Variants in ADAM2 observed in about 807,000 individuals in gnomAD.
The protein encoded by ADAM2 is disintegrin and metalloproteinase domain-containing protein 2.
In ADAM2, 101 loss-of-function variants were observed where a neutral mutation model predicts 99.3. The ratio of observed to expected loss-of-function variants is 1.02; its 90% CI spans 0.87 to 1.20. The LOEUF (loss-of-function observed/expected upper bound fraction) is 1.20, where lower values mean the gene tolerates loss of function less well. Ranked by LOEUF, ADAM2 falls within the 50% of genes most tolerant of loss-of-function variation. The probability of loss-of-function intolerance (pLI) is 0.00; values close to 1 mark genes in which losing one functional copy is unlikely to be tolerated. For missense variants in ADAM2, 948 were observed against 878.7 expected (o/e 1.08, Z -1.00); for synonymous variants, 323 against 287.6 (o/e 1.12, Z -1.25).
chr8:39,819,041 C>T (rs985386230), intron 6 of ADAM2, among the ~76,000 whole-genome samples: 9 of 151,974 alleles, frequency 5.9e-5, no homozygotes, highest in Admixed American at 4.6e-4. Context: ...TTTTAAAATA[C>T]GTTTGGAAAT....
At chr8:39,776,968 A>G in intron 11 of ADAM2, 57 bp downstream of exon 11, 1 of 1,101,836 alleles carries the variant, frequency 9.1e-7, no homozygotes. Flanking sequence ...TCTTCAACTA[A>G]ATACATTAAA....
intron 16 of ADAM2, among the ~76,000 whole-genome samples, chr8:39,750,115 C>A (rs1009412869): frequency 6.6e-6 from 1 of 151,986 alleles, no homozygotes; most frequent in Non-Finnish European, 1.5e-5. Flanking sequence ...CAGTTAAAAC[C>A]TTCTCATTGA....
At chr8:39,768,119 CT>C (rs1339255407) in intron 12 of ADAM2, among the ~76,000 whole-genome samples, 1 of 151,956 alleles carries the variant, frequency 6.6e-6, no homozygotes, top group Non-Finnish European at 1.5e-5. Context: ...TACTGTAATT[CT>C]AGAGGGGAAA....
At chr8:39,788,896 G>A (rs1293394280) in intron 7 of ADAM2, among the ~76,000 whole-genome samples, 156 bp from the exon 8 acceptor site, 11 of 151,172 alleles carry the variant, frequency 7.3e-5, no homozygotes, top group Non-Finnish European at 8.9e-5. Flanking sequence ...CAAATTATAT[G>A]TTATATGTTC....
intron 5 of ADAM2, 134 bp downstream of exon 5, chr8:39,821,452 C>T (rs1805184416): frequency 3.0e-6 from 2 of 677,758 alleles, no homozygotes; most frequent in Non-Finnish European, 4.9e-6. Flanking sequence ...TATTTCCATA[C>T]CATGCTTTGT....
Position 39,746,581 on chromosome 8 carries a change from A to T in ADAM2, c.2065T>A (p.Phe689Ile), listed in dbSNP as rs1823474032. Reference sequence around the variant, plus strand: ...ATAAAGAAAGGAATGAATAAGAAAAATGGCCATCTCATTGGTTTGGAATGG... The same window carrying T: ...ATAAAGAAAGGAATGAATAAGAAAATTGGCCATCTCATTGGTTTGGAATGG... ...IYHSKPMRWP[F>I]FLFIPFFIIF... Residue 689 changes from phenylalanine to isoleucine, a missense_variant, in exon 19 of 21, where the codon TTT becomes ATT. Physicochemically the swap from Phe to Ile is conservative, Grantham distance 21. Coordinates refer to ENST00000265708, the MANE Select transcript of ADAM2 (RefSeq NM_001464.5). 6.2e-7 allele frequency: 1 copy of T among 1,607,898 alleles called. No homozygotes were observed. Among genetic ancestry groups the T allele is most frequent in the African/African-American group, 1.3e-5 (1 of 74,698 alleles).
intron 18 of ADAM2, 117 bp downstream of exon 18, chr8:39,749,195 A>T: frequency 1.2e-6 from 1 of 855,790 alleles, no homozygotes; most frequent in Non-Finnish European, 1.8e-6. Context: ...ATTCATGTGC[A>T]GTTTAATGTC....
At chr8:39,797,372 T>C (rs979971862) in intron 7 of ADAM2, among the ~76,000 whole-genome samples, 9 of 152,110 alleles carry the variant, frequency 5.9e-5, no homozygotes, top group African/African-American at 2.2e-4. Flanking sequence ...TGTGTAGAGT[T>C]ATTTATGAGG....
intron 9 of ADAM2, 85 bp downstream of exon 9, chr8:39,788,000 T>C (rs964693240): frequency 2.2e-6 from 2 of 901,574 alleles, no homozygotes; most frequent in South Asian, 7.1e-5. Context: ...ATTTTTTTAA[T>C]ACACATTTAT....
chr8:39,794,550 C>T (rs1031930440), intron 7 of ADAM2, among the ~76,000 whole-genome samples: 2 of 152,132 alleles, frequency 1.3e-5, no homozygotes, highest in African/African-American at 4.8e-5. Flanking sequence ...TGGCACCGCA[C>T]CATGGGACTG....
chr8:39,816,803 T>C (rs1804962075), intron 6 of ADAM2, among the ~76,000 whole-genome samples: 1 of 152,214 alleles, frequency 6.6e-6, no homozygotes, highest in African/African-American at 2.4e-5. Flanking sequence ...GTTATAAAGT[T>C]TCTTTGTAGG....
intron 19 of ADAM2, 52 bp downstream of exon 19, chr8:39,746,420 C>T (rs1364428947): frequency 4.1e-6 from 5 of 1,216,426 alleles, no homozygotes; most frequent in Admixed American, 2.6e-5. Context: ...TTGCTATTTA[C>T]TATGTTCATA....
Position 39,767,055 on chromosome 8 carries a change from A to T in ADAM2, c.1312-12T>A. On this transcript the variant is annotated splice_polypyrimidine_tract_variant and intron_variant, in intron 13 of 20. Coordinates refer to ENST00000265708, the MANE Select transcript of ADAM2 (RefSeq NM_001464.5). Reference sequence around the variant, plus strand: ...TCTTTTGACATAAACTGATGGGATGAGGTAAATGATATTGAATTAAGCAGA... The same window carrying T: ...TCTTTTGACATAAACTGATGGGATGTGGTAAATGATATTGAATTAAGCAGA... 6.2e-7 allele frequency: 1 copy of T among 1,611,094 alleles called. No individual in the cohort carries two copies. The highest frequency in any genetic ancestry group is 1.1e-5 in the South Asian group (1 of 90,964).
chr8:39,746,706 G>C, intron 18 of ADAM2, 75 bp from the exon 19 acceptor site: 3 of 1,132,928 alleles, frequency 2.6e-6, no homozygotes, highest in Non-Finnish European at 2.5e-6. Context: ...ATTTTACTAC[G>C]TCTACCAAAA....
chr8:39,834,344 A>T (rs1159163556), intron 2 of ADAM2, among the ~76,000 whole-genome samples: 1 of 152,090 alleles, frequency 6.6e-6, no homozygotes, highest in Non-Finnish European at 1.5e-5. Flanking sequence ...GCTAATAAAG[A>T]TATTTGACTT....
chr8:39,749,444 T>C lies in ADAM2; in HGVS notation c.1882A>G (p.Asn628Asp). ...TDKCNDRGVC[N>D]NKKHCHCSAS... is the part of the protein sequence containing the mutation. ...CTACAGTGACAGTGCTTTTTGTTAT[T>C]GCATACCTAAAAGAAGGAGAAATAT... The change falls in exon 18 of 21, where the codon AAT becomes GAT. Residue 628 changes from asparagine to aspartate, a missense_variant. Asn to Asp is a conservative substitution (Grantham distance 23, BLOSUM62 1). Transcript: ENST00000265708. The C allele has an allele frequency of 6.2e-7, 1 of 1,611,822 alleles. No homozygotes were observed. The highest frequency in any genetic ancestry group is 8.5e-7 in the Non-Finnish European group (1 of 1,178,652).
chr8:39,785,729 G>A (rs1383775395), intron 10 of ADAM2, among the ~76,000 whole-genome samples: 1 of 151,478 alleles, frequency 6.6e-6, no homozygotes, highest in Non-Finnish European at 1.5e-5. Flanking sequence ...CCAGGGAGGT[G>A]GAGGTTGCAG....
intron 6 of ADAM2, among the ~76,000 whole-genome samples, chr8:39,815,382 T>G (rs1804899875): frequency 6.6e-6 from 1 of 152,106 alleles, no homozygotes; most frequent in African/African-American, 2.4e-5. Flanking sequence ...ATTATAAGGA[T>G]GGAACTCAAG....
At chr8:39,824,126 A>G (rs927595869) in intron 4 of ADAM2, among the ~76,000 whole-genome samples, 21 of 152,258 alleles carry the variant, frequency 1.4e-4, no homozygotes, top group Non-Finnish European at 3.1e-4. Context: ...TCTACTAAAA[A>G]TACAAAATTA....
Sources: gnomAD v4.1 joint callset for allele counts (sites outside exome capture counted in the v4.1 genomes callset) on GRCh38, gnomAD v4.1.1 for gene constraint, MANE v1.5 for transcripts, NCBI Gene and HGNC (gene_info 2026-07-23, HGNC 2026-07-21) for gene names.